COL11A1: variants seen among roughly 807,000 people sequenced by gnomAD.
COL11A1 encodes collagen type XI alpha 1 chain.
Under a neutral mutation model 265.2 loss-of-function variants are expected in COL11A1, and 74 were observed. The ratio of observed to expected loss-of-function variants is 0.28; its 90% CI spans 0.23 to 0.34. The LOEUF (loss-of-function observed/expected upper bound fraction) is 0.34. Ranked by LOEUF, COL11A1 falls within the 10% of genes least tolerant of loss-of-function variation. COL11A1 has a pLI of 1.00. For synonymous variants in COL11A1, 816 were observed against 727.6 expected (o/e 1.12, Z -1.96); for missense variants, 2,165 against 2,263.6 (o/e 0.96, Z 0.88).
intron 49 of COL11A1, among the ~76,000 whole-genome samples, chr1:102,918,493 G>C (rs1029366182): frequency 6.6e-6 from 1 of 151,756 alleles, no homozygotes; most frequent in African/African-American, 2.4e-5. Context: ...AATTAGAAAT[G>C]GGTATACATT....
chr1:102,968,379 G>T (rs139865271), intron 37 of COL11A1, among the ~76,000 whole-genome samples: 68 of 152,174 alleles, frequency 4.5e-4, no homozygotes, highest in African/African-American at 1.5e-3. Context: ...ACAAATTTGG[G>T]TCATTTCAAT....
chr1:102,981,232 G>C (rs1041476098), intron 31 of COL11A1, among the ~76,000 whole-genome samples: 9 of 151,988 alleles, frequency 5.9e-5, no homozygotes, highest in African/African-American at 2.2e-4. Context: ...TAATATTCAC[G>C]TACTGGGGAA....
At chr1:102,951,989 ATGTT>A (rs1659933834) in intron 41 of COL11A1, among the ~76,000 whole-genome samples, 2 of 152,188 alleles carry the variant, frequency 1.3e-5, no homozygotes, top group Non-Finnish European at 2.9e-5. Context: ...ATACCGAAGT[ATGTT>A]TATTATTTAA....
At chr1:103,093,715 C>T (rs186136470) in intron 1 of COL11A1, among the ~76,000 whole-genome samples, 2 of 152,072 alleles carry the variant, frequency 1.3e-5, no homozygotes, top group Non-Finnish European at 2.9e-5. Flanking sequence ...AAATACATTG[C>T]CAGTAATAAA....
At chr1:103,036,812 C>A (rs542926818) in intron 4 of COL11A1, among the ~76,000 whole-genome samples, 1 of 151,980 alleles carries the variant, frequency 6.6e-6, no homozygotes, top group Non-Finnish European at 1.5e-5. Context: ...CATCCTCCTC[C>A]TTTAATGGTC....
In COL11A1 at chr1:102,935,234, C is replaced by T. The variant is rs137870422; in HGVS notation, c.3439-121G>A. ...CTGCACTCCTTTGGAAAAAAAGAAG[C>T]ATCACATAGAATTATTTTGCATTTA... is the stretch of plus-strand genomic sequence containing the variant. On this transcript the variant is annotated intron_variant, in intron 44 of 66. Transcript: ENST00000370096. The T allele has an allele frequency of 3.9e-5, 29 of 750,204 alleles. No individual in the cohort carries two copies. The African/African-American group carries it at 5.0e-4, about 13-fold the overall frequency. The allele number at this position is 750,204 out of a possible 1,614,324, so 46.5% of individuals were successfully genotyped here.
intron 64 of COL11A1, among the ~76,000 whole-genome samples, chr1:102,882,940 C>G (rs1469619005): frequency 6.6e-6 from 1 of 152,058 alleles, no homozygotes; most frequent in African/African-American, 2.4e-5. Flanking sequence ...TGTGCTGTGT[C>G]ATGGAAATCC....
At chr1:103,106,750 C>T (rs1407998981) in intron 1 of COL11A1, among the ~76,000 whole-genome samples, 1 of 152,116 alleles carries the variant, frequency 6.6e-6, no homozygotes, top group African/African-American at 2.4e-5. Context: ...TAATCTAGCG[C>T]TGCCTGCTAC....
At position 102,876,549 on chromosome 1, in the gene COL11A1, T is replaced by C. The variant is rs932141064; in HGVS notation, c.*1470A>G. 2 of 152,468 alleles carry C rather than the reference T, an allele frequency of 1.3e-5. No homozygotes were observed. The highest frequency in any genetic ancestry group is 6.6e-5 in the Admixed American group (1 of 15,250). 9.4% of individuals were successfully genotyped at this position (152,468 alleles called of 1,614,324 possible). On this transcript the variant is annotated 3_prime_UTR_variant, in exon 67 of 67. Coordinates refer to ENST00000370096, the MANE Select transcript of COL11A1 (RefSeq NM_001854.4). ...ACATTTACAAACTCGATTTCAAAAA[T>C]AAAAGAAATTCTTTATGACAAATTT... is the stretch of plus-strand genomic sequence containing the variant.
rs193278376 is a variant in COL11A1 at position 103,065,167 on chromosome 1, G to A, written c.651+9451C>T. 6.0e-3 allele frequency among the ~76,000 whole-genome samples: 455 copies of A among 75,434 alleles called. 3 individuals carry two copies. Among genetic ancestry groups the A allele is most frequent in the African/African-American group, 0.02 (434 of 22,110 alleles). 49.5% of individuals were successfully genotyped at this position (75,434 alleles called of 152,430 possible). On this transcript the variant is annotated intron_variant, in intron 4 of 66. Coordinates refer to ENST00000370096, the MANE Select transcript of COL11A1 (RefSeq NM_001854.4). ...GGCAAATAGTATATGGGAACTCCCC[G>A]TCCTTTCTGCTCAACTTTGGAACCT...
intron 43 of COL11A1, 105 bp from the exon 44 acceptor site, chr1:102,939,193 G>T: frequency 2.0e-6 from 2 of 1,001,736 alleles, no homozygotes; most frequent in Non-Finnish European, 3.2e-6. Flanking sequence ...TTACATGCTA[G>T]TGTGTAATGT....
Position 103,031,246 on chromosome 1 carries a change from T to TG in COL11A1, c.652-3dup, listed in dbSNP as rs752986944. On this transcript the variant is annotated splice_polypyrimidine_tract_variant and splice_region_variant and intron_variant, in intron 4 of 66. Transcript: ENST00000370096. ...GATCAAAAACTGCTGAATGTCCCCC[T>TG]GGGAAAAAAAAAAAAACAAAAACAA... 5 of 1,471,014 alleles carry TG rather than the reference T, an allele frequency of 3.4e-6. No homozygotes were observed. In the African/African-American group the frequency reaches 8.0e-5, roughly 24 times the overall value. 91.1% of individuals were successfully genotyped at this position (1,471,014 alleles called of 1,614,324 possible).
At chr1:103,071,896 T>C (rs1391888582) in intron 4 of COL11A1, among the ~76,000 whole-genome samples, 2 of 150,492 alleles carry the variant, frequency 1.3e-5, no homozygotes, top group Non-Finnish European at 3.0e-5. Context: ...TATATATTTA[T>C]ACTAGTATCT....
intron 1 of COL11A1, among the ~76,000 whole-genome samples, chr1:103,107,853 GC>G (rs904116618): frequency 2.0e-4 from 30 of 151,882 alleles, no homozygotes; most frequent in African/African-American, 7.0e-4. Context: ...TTTTTTTCCT[GC>G]TACCTACCTC....
At chr1:103,036,425 G>A (rs1668380682) in intron 4 of COL11A1, among the ~76,000 whole-genome samples, 1 of 144,852 alleles carries the variant, frequency 6.9e-6, no homozygotes, top group Non-Finnish European at 1.5e-5. Flanking sequence ...TATGTTTATA[G>A]TACTTTTAAA....
At chr1:103,019,849 T>C (rs1392003560) in intron 9 of COL11A1, among the ~76,000 whole-genome samples, 2 of 150,900 alleles carry the variant, frequency 1.3e-5, no homozygotes, top group East Asian at 2.0e-4. Context: ...TTTGGTTTTT[T>C]GTTCTTGTGA....
At chr1:103,097,966 A>G in intron 1 of COL11A1, among the ~76,000 whole-genome samples, 1 of 152,096 alleles carries the variant, frequency 6.6e-6, no homozygotes, top group East Asian at 1.9e-4. Context: ...GAAAGCAAAA[A>G]TGGCATCACA....
At position 103,031,258 on chromosome 1, in the gene COL11A1, A is replaced by T. The variant is rs759287995; in HGVS notation, c.652-14T>A. On this transcript the variant is annotated splice_polypyrimidine_tract_variant and intron_variant, in intron 4 of 66. Coordinates refer to ENST00000370096, the MANE Select transcript of COL11A1 (RefSeq NM_001854.4). ...CTGAATGTCCCCCTGGGAAAAAAAA[A>T]AAAACAAAAACAAACAGACACAGAT... The T allele has an allele frequency of 6.3e-7, 1 of 1,599,844 alleles. No homozygotes were observed.
chr1:103,093,016 G>A (rs909508433), intron 1 of COL11A1, among the ~76,000 whole-genome samples: 1 of 151,806 alleles, frequency 6.6e-6, no homozygotes, highest in African/African-American at 2.4e-5. Flanking sequence ...GAAAAGAAAG[G>A]AAATCCATGA....
Sources: gnomAD v4.1 joint callset for allele counts (sites outside exome capture counted in the v4.1 genomes callset) on GRCh38, gnomAD v4.1.1 for gene constraint, MANE v1.5 for transcripts, NCBI Gene and HGNC (gene_info 2026-07-23, HGNC 2026-07-21) for gene names.